Variants in IGF1R observed in about 807,000 individuals in gnomAD.
IGF1R encodes insulin-like growth factor 1 receptor.
IGF1R carries 44 observed loss-of-function variants against 144.6 expected under a neutral mutation model. That is an observed-to-expected ratio of 0.30 (90% CI 0.24 to 0.39). The LOEUF (loss-of-function observed/expected upper bound fraction) is 0.39. IGF1R is among the 10% of genes least tolerant of loss of function. The pLI, the probability that IGF1R is intolerant of heterozygous loss-of-function variation, is 1.00. For synonymous variants in IGF1R, 795 were observed against 722.8 expected, an observed-to-expected ratio of 1.10 and a Z score of -1.60; for missense variants, 1,355 against 1,833.7, an observed-to-expected ratio of 0.74 and a Z score of 4.77.
At chr15:98,652,151 G>T (rs891988526) in intron 1 of IGF1R, among the ~76,000 whole-genome samples, 1 of 152,234 alleles carries the variant, frequency 6.6e-6, no homozygotes, top group Non-Finnish European at 1.5e-5. Flanking sequence ...TTCTGAAGCA[G>T]AGGCAGTCAT....
intron 2 of IGF1R, among the ~76,000 whole-genome samples, chr15:98,810,454 C>G (rs949427293): frequency 6.6e-6 from 1 of 152,094 alleles, no homozygotes. Context: ...GCAATACTTA[C>G]TGAATGTTGA....
At chr15:98,909,922 A>G (rs902350701) in intron 6 of IGF1R, among the ~76,000 whole-genome samples, 3 of 152,212 alleles carry the variant, frequency 2.0e-5, no homozygotes, top group African/African-American at 7.2e-5. Context: ...CTGGCTGGAT[A>G]GGGTTATAAA....
chr15:98,797,742 T>C (rs2056278477), intron 2 of IGF1R, among the ~76,000 whole-genome samples: 1 of 152,384 alleles, frequency 6.6e-6, no homozygotes, highest in South Asian at 2.1e-4. Context: ...CTGACGTAGC[T>C]ACTTGGGGTT....
chr15:98,932,220 C>T (rs1211554946), intron 15 of IGF1R, among the ~76,000 whole-genome samples: 1 of 152,196 alleles, frequency 6.6e-6, no homozygotes, highest in Non-Finnish European at 1.5e-5. Context: ...CCACCCAGGT[C>T]GACAGGTGGG....
In IGF1R at chr15:98,649,029, C is replaced by T; in HGVS notation, c.-553C>T. The T allele has an allele frequency of 6.4e-6, 1 of 156,324 alleles. No homozygotes were observed. Among genetic ancestry groups the T allele is most frequent in the Non-Finnish European group, 1.1e-5 (1 of 87,412 alleles). 9.7% of individuals were successfully genotyped at this position (156,324 alleles called of 1,614,324 possible). ...AGGGAGGAGGCGGCGGCGAGCGGAG[C>T]CAGGAGGAGGAGGAGGAGGGGGAGC... On this transcript the variant is annotated 5_prime_UTR_variant, in exon 1 of 21. Transcript: ENST00000650285.
In IGF1R at chr15:98,922,717, C is replaced by T. The variant is rs45540337; in HGVS notation, c.2485+286C>T. 4.9e-3 allele frequency among the ~76,000 whole-genome samples: 748 copies of T among 152,360 alleles called. 2 individuals carry two copies. The highest frequency in any genetic ancestry group is 8.0e-3 in the Non-Finnish European group (542 of 68,032). ...CCTCCACCTGCTACTTGGTGCACAT[C>T]GTGCATTCCTGCTGTCCTTTGCCCC... On this transcript the variant is annotated intron_variant, in intron 11 of 20. Coordinates refer to ENST00000650285, the MANE Select transcript of IGF1R (RefSeq NM_000875.5).
intron 1 of IGF1R, among the ~76,000 whole-genome samples, chr15:98,699,274 C>T (rs898484784): frequency 6.6e-6 from 1 of 152,154 alleles, no homozygotes; most frequent in African/African-American, 2.4e-5. Context: ...GGGTGTGGGA[C>T]TAGGCAGGTG....
chr15:98,886,029 G>A (rs1332016314), intron 2 of IGF1R, among the ~76,000 whole-genome samples: 1 of 152,028 alleles, frequency 6.6e-6, no homozygotes, highest in Non-Finnish European at 1.5e-5. Flanking sequence ...TGTTGGGCAG[G>A]CTGGTCTTGA....
At chr15:98,747,557 A>G (rs903458068) in intron 2 of IGF1R, among the ~76,000 whole-genome samples, 1 of 152,134 alleles carries the variant, frequency 6.6e-6, no homozygotes, top group East Asian at 1.9e-4. Context: ...AATATAGGTT[A>G]TTTTGCATCT....
intron 2 of IGF1R, among the ~76,000 whole-genome samples, chr15:98,860,253 G>C (rs949640722): frequency 6.6e-6 from 1 of 152,250 alleles, no homozygotes; most frequent in Non-Finnish European, 1.5e-5. Context: ...AATAAGTCAT[G>C]ATTTTCGGAG....
Position 98,935,767 on chromosome 15 carries a change from C to CAGGAAAGTT in IGF1R, c.3297+342_3297+343insGGAAAGTTA, listed in dbSNP as rs2016119092. Among the ~76,000 whole-genome samples the CAGGAAAGTT allele has an allele frequency of 6.6e-6, 1 of 152,030 alleles. No homozygotes were observed. Among genetic ancestry groups the CAGGAAAGTT allele is most frequent in the African/African-American group, 2.4e-5 (1 of 41,388 alleles). ...CTCCCTCCCCGAAGCTTTCCTGCCCCACTCCAGTAGCTATCTTCTCTGCTA... is the reference window on the plus strand; with the variant it reads ...CTCCCTCCCCGAAGCTTTCCTGCCCCAGGAAAGTTACTCCAGTAGCTATCTTCTCTGCTA... On this transcript the variant is annotated intron_variant, in intron 17 of 20. Coordinates refer to ENST00000650285, the MANE Select transcript of IGF1R (RefSeq NM_000875.5). The surrounding 1 kb of genome is among the most constrained non-coding windows in gnomAD (Gnocchi z 4.2).
At position 98,942,957 on chromosome 15, in the gene IGF1R, C is replaced by T; in HGVS notation, c.3492C>T (p.Asp1164=). 1 of 1,614,160 alleles carries T rather than the reference C, an allele frequency of 6.2e-7. No homozygotes were observed. The highest frequency in any genetic ancestry group is 8.5e-7 in the Non-Finnish European group (1 of 1,179,996). Residue 1164 remains aspartate (D), a synonymous_variant, in exon 19 of 21, where the codon GAC becomes GAT. Coordinates refer to ENST00000650285, the MANE Select transcript of IGF1R (RefSeq NM_000875.5). ...TGACGCGAGATATCTATGAGACAGA[C>T]TATTACCGGAAAGGAGGGAAAGGGC... The part of the protein sequence containing the change: ...FGMTRDIYET[D]YYRKGGKGLL...
intron 5 of IGF1R, among the ~76,000 whole-genome samples, chr15:98,900,350 GA>G (rs1301767453): frequency 1.3e-5 from 2 of 152,168 alleles, no homozygotes; most frequent in Non-Finnish European, 2.9e-5. Flanking sequence ...GGCTTTAAGT[GA>G]ATGCTTCAAA....
chr15:98,661,545 G>C (rs2052598509), intron 1 of IGF1R, among the ~76,000 whole-genome samples: 2 of 152,218 alleles, frequency 1.3e-5, no homozygotes, highest in Admixed American at 1.3e-4. Flanking sequence ...TCATGTGAAT[G>C]CTGAACCGGC....
At chr15:98,832,119 T>C (rs911601418) in intron 2 of IGF1R, among the ~76,000 whole-genome samples, 4 of 152,180 alleles carry the variant, frequency 2.6e-5, no homozygotes, top group Non-Finnish European at 4.4e-5. Flanking sequence ...CTCCAAGAAA[T>C]TCTTCCTTTT....
chr15:98,797,281 G>C (rs753453238), intron 2 of IGF1R, among the ~76,000 whole-genome samples: 1 of 152,172 alleles, frequency 6.6e-6, no homozygotes, highest in Admixed American at 6.5e-5. Context: ...GCTGCAGCCC[G>C]AGCCCCGTTT....
At chr15:98,766,157 G>T (rs973712325) in intron 2 of IGF1R, among the ~76,000 whole-genome samples, 3 of 152,218 alleles carry the variant, frequency 2.0e-5, no homozygotes, top group Non-Finnish European at 4.4e-5. Context: ...TCATTCTTCA[G>T]TCATTAGGGT....
At chr15:98,807,678 T>A (rs117012363) in intron 2 of IGF1R, among the ~76,000 whole-genome samples, 2,490 of 152,358 alleles carry the variant, frequency 0.016, 30 homozygotes, top group South Asian at 0.037. Context: ...AATGAGCTAA[T>A]CCCTGTGAGG....
intron 2 of IGF1R, among the ~76,000 whole-genome samples, chr15:98,820,107 T>C (rs1017826132): frequency 6.6e-6 from 1 of 152,234 alleles, no homozygotes; most frequent in African/African-American, 2.4e-5. Context: ...ATTTTTATGC[T>C]GTTCAGAGTG....
Sources: gnomAD v4.1 joint callset for allele counts (sites outside exome capture counted in the v4.1 genomes callset) on GRCh38, gnomAD v4.1.1 for gene constraint, Gnocchi (gnomAD v3.1) non-coding constraint, MANE v1.5 for transcripts, NCBI Gene and HGNC (gene_info 2026-07-23, HGNC 2026-07-21) for gene names.